GRM7: variants seen among roughly 807,000 people sequenced by gnomAD.
The protein encoded by GRM7 is metabotropic glutamate receptor 7.
GRM7 carries 35 observed loss-of-function variants against 84.5 expected under a neutral mutation model. The observed-to-expected ratio is 0.41, with a 90% CI of 0.32 to 0.55. GRM7 has a LOEUF of 0.55. Among genes scored for constraint, GRM7 ranks in the 20% least tolerant of loss-of-function variants. GRM7 has a pLI of 0.19. For missense variants in GRM7, 1,003 were observed against 1,194.6 expected (o/e 0.84, Z 2.36); for synonymous variants, 487 against 455.1 (o/e 1.07, Z -0.89).
At chr3:7,245,286 C>T (rs545098930) in intron 2 of GRM7, among the ~76,000 whole-genome samples, 8 of 151,834 alleles carry the variant, frequency 5.3e-5, no homozygotes, top group African/African-American at 1.7e-4. Flanking sequence ...AAAACAAGAA[C>T]CTCTAGATCA....
chr3:7,217,572 G>A (rs934139172), intron 2 of GRM7, among the ~76,000 whole-genome samples: 57 of 151,622 alleles, frequency 3.8e-4, no homozygotes, highest in African/African-American at 1.3e-3. Flanking sequence ...CTTTTTTCAT[G>A]TTTTATTGTG....
chr3:7,715,560 G>A (rs1444015250), intron 9 of GRM7, among the ~76,000 whole-genome samples: 3 of 152,172 alleles, frequency 2.0e-5, no homozygotes, highest in African/African-American at 4.8e-5. Context: ...TCTACTAAGT[G>A]TCTGTGTTTA....
intron 1 of GRM7, among the ~76,000 whole-genome samples, chr3:6,904,041 A>G (rs936175679): frequency 2.6e-5 from 4 of 152,196 alleles, no homozygotes; most frequent in East Asian, 1.9e-4. Flanking sequence ...TTAATGTTGT[A>G]TATATCGTCT....
chr3:7,284,050 C>A (rs982828554), intron 2 of GRM7, among the ~76,000 whole-genome samples: 1 of 152,148 alleles, frequency 6.6e-6, no homozygotes, highest in Non-Finnish European at 1.5e-5. Flanking sequence ...AGGAAAACAT[C>A]ATCAAGAATC....
At chr3:7,588,749 C>A (rs541496053) in intron 8 of GRM7, among the ~76,000 whole-genome samples, 2 of 152,142 alleles carry the variant, frequency 1.3e-5, no homozygotes, top group African/African-American at 2.4e-5. Flanking sequence ...AGTAAGTCAT[C>A]GGTAGAAATG....
At chr3:7,140,954 CT>C (rs1476643089) in intron 1 of GRM7, among the ~76,000 whole-genome samples, 2 of 151,802 alleles carry the variant, frequency 1.3e-5, no homozygotes, top group Non-Finnish European at 2.9e-5. Flanking sequence ...AAGAAATGTC[CT>C]ACAAGTTCTA....
At chr3:7,098,007 G>C (rs1698917573) in intron 1 of GRM7, among the ~76,000 whole-genome samples, 1 of 151,932 alleles carries the variant, frequency 6.6e-6, no homozygotes, top group Non-Finnish European at 1.5e-5. Flanking sequence ...AAATGACAAA[G>C]GGACAAAAGT....
intron 9 of GRM7, among the ~76,000 whole-genome samples, chr3:7,732,771 A>G (rs1702376482): frequency 6.6e-6 from 1 of 152,230 alleles, no homozygotes; most frequent in Admixed American, 6.5e-5. Context: ...TCCAGACCCC[A>G]AGAAAGGGTT....
At chr3:6,931,639 G>C (rs973290528) in intron 1 of GRM7, among the ~76,000 whole-genome samples, 2 of 152,156 alleles carry the variant, frequency 1.3e-5, no homozygotes, top group African/African-American at 4.8e-5. Flanking sequence ...ACACCAGTTT[G>C]TTGTATGTTG....
At chr3:7,702,865 A>C (rs1213592453) in intron 9 of GRM7, among the ~76,000 whole-genome samples, 1 of 152,084 alleles carries the variant, frequency 6.6e-6, no homozygotes, top group Non-Finnish European at 1.5e-5. Flanking sequence ...TGACATTTTA[A>C]AAAATACACT....
At chr3:7,447,916 C>T (rs1429074701) in intron 5 of GRM7, among the ~76,000 whole-genome samples, 3 of 104,522 alleles carry the variant, frequency 2.9e-5, no homozygotes, top group African/African-American at 1.1e-4. Context: ...CACCCCACAA[C>T]AGTCCCCGGA....
At chr3:7,353,117 C>T (rs74629694) in intron 4 of GRM7, among the ~76,000 whole-genome samples, 10,735 of 152,070 alleles carry the variant, frequency 0.071, 426 homozygotes, top group African/African-American at 0.11. Context: ...AGGCAAGACA[C>T]TGCTGATTGT....
intron 1 of GRM7, among the ~76,000 whole-genome samples, chr3:7,046,943 G>A (rs944413826): frequency 2.4e-4 from 37 of 152,128 alleles, no homozygotes; most frequent in African/African-American, 8.7e-4. Context: ...TGAATAAAGA[G>A]TAAATGAAGG....
chr3:6,998,008 A>G (rs1006131983), intron 1 of GRM7, among the ~76,000 whole-genome samples: 1 of 151,038 alleles, frequency 6.6e-6, no homozygotes, highest in Admixed American at 6.6e-5. Context: ...AATACCAGCT[A>G]CTTGGGAGGT....
intron 7 of GRM7, among the ~76,000 whole-genome samples, chr3:7,484,912 C>T (rs1251237306): frequency 1.3e-5 from 2 of 152,156 alleles, no homozygotes; most frequent in African/African-American, 4.8e-5. Flanking sequence ...TGGTGTCTGT[C>T]TTTGGTGCTT....
At chr3:7,286,288 A>T (rs938055799) in intron 2 of GRM7, among the ~76,000 whole-genome samples, 16 of 152,192 alleles carry the variant, frequency 1.1e-4, no homozygotes, top group African/African-American at 3.6e-4. Flanking sequence ...TTCAAAATGT[A>T]ATTTGGTATT....
intron 8 of GRM7, among the ~76,000 whole-genome samples, chr3:7,676,945 T>C (rs1700144301): frequency 6.6e-6 from 1 of 152,124 alleles, no homozygotes; most frequent in African/African-American, 2.4e-5. Flanking sequence ...ATTTCTGTCA[T>C]TAAGTGATGC....
At chr3:7,507,320 C>A (rs1700068833) in intron 7 of GRM7, among the ~76,000 whole-genome samples, 1 of 152,050 alleles carries the variant, frequency 6.6e-6, no homozygotes, top group Non-Finnish European at 1.5e-5. Context: ...GCTACTGGGA[C>A]AAGCAAATAC....
chr3:6,915,256 C>T (rs979700952), intron 1 of GRM7, among the ~76,000 whole-genome samples: 3 of 152,136 alleles, frequency 2.0e-5, no homozygotes, highest in Middle Eastern at 3.4e-3. Flanking sequence ...TTTATTTTTA[C>T]CCCTCTGTAT....
Sources: gnomAD v4.1 joint callset for allele counts (sites outside exome capture counted in the v4.1 genomes callset) on GRCh38, gnomAD v4.1.1 for gene constraint, MANE v1.5 for transcripts, NCBI Gene and HGNC (gene_info 2026-07-23, HGNC 2026-07-21) for gene names.